Variants in LRP1B observed in about 807,000 individuals in gnomAD.
The protein encoded by LRP1B is low-density lipoprotein receptor-related protein 1B.
A neutral mutation model predicts 556.6 loss-of-function variants in LRP1B; 217 were observed. That is an observed-to-expected ratio of 0.39 (90% confidence interval 0.35 to 0.44). LRP1B has a LOEUF of 0.44. Among genes scored for constraint, LRP1B ranks in the 20% least tolerant of loss-of-function variants. The probability of loss-of-function intolerance (pLI) is 1.00; values close to 1 mark genes in which losing one functional copy is unlikely to be tolerated. For missense variants in LRP1B, 5,053 were observed against 5,620.8 expected, an observed-to-expected ratio of 0.90 and a Z score of 3.23; for synonymous variants, 2,047 against 1,865.8, an observed-to-expected ratio of 1.10 and a Z score of -2.50.
chr2:141,282,489 G>GTATATC (rs758970820), intron 3 of LRP1B, among the ~76,000 whole-genome samples: 3,321 of 150,522 alleles, frequency 0.022, 70 homozygotes, highest in Non-Finnish European at 0.035. Flanking sequence ...ATATGTATAT[G>GTATATC]TATATGTATA....
chr2:140,237,854 T>C (rs1325299029), intron 89 of LRP1B, among the ~76,000 whole-genome samples: 1 of 150,956 alleles, frequency 6.6e-6, no homozygotes, highest in Admixed American at 6.6e-5. Context: ...TTTCGTTTGC[T>C]TTATGTAAAC....
chr2:140,985,919 C>G (rs1028340391), intron 17 of LRP1B, among the ~76,000 whole-genome samples: 10 of 151,330 alleles, frequency 6.6e-5, no homozygotes, highest in African/African-American at 2.4e-4. Context: ...TTGAAATTTC[C>G]TACATAATCT....
chr2:141,020,849 A>G (rs1476815771), intron 11 of LRP1B, among the ~76,000 whole-genome samples: 2 of 151,982 alleles, frequency 1.3e-5, no homozygotes, highest in Non-Finnish European at 2.9e-5. Context: ...GCAGTTACTT[A>G]TGGTCTATTA....
chr2:141,079,221 T>G (rs1699866331), intron 7 of LRP1B, among the ~76,000 whole-genome samples: 1 of 152,148 alleles, frequency 6.6e-6, no homozygotes, highest in Non-Finnish European at 1.5e-5. Context: ...CTTTTCCAGT[T>G]AGAAGGTAAG....
chr2:141,154,327 C>T (rs868256647), intron 7 of LRP1B, among the ~76,000 whole-genome samples: 21 of 152,010 alleles, frequency 1.4e-4, no homozygotes, highest in African/African-American at 3.6e-4. Context: ...GTGGAACACA[C>T]TTTTAAATAT....
chr2:140,504,179 G>C (rs537144764), intron 53 of LRP1B, among the ~76,000 whole-genome samples: 17 of 152,164 alleles, frequency 1.1e-4, no homozygotes, highest in African/African-American at 4.1e-4. Context: ...TCATTTCTCT[G>C]ACCTCTATCT....
chr2:141,696,992 A>T (rs2105454951), intron 2 of LRP1B, among the ~76,000 whole-genome samples: 1 of 152,150 alleles, frequency 6.6e-6, no homozygotes. Context: ...CCTTATAAAA[A>T]ATAAGATAGG....
intron 2 of LRP1B, among the ~76,000 whole-genome samples, chr2:141,496,794 TAGAAA>T (rs1283389185): frequency 6.6e-6 from 1 of 151,512 alleles, no homozygotes; most frequent in Admixed American, 6.6e-5. Context: ...AAGAAAAGAA[TAGAAA>T]AGAAGAACCA....
At chr2:141,834,310 A>G (rs6749695) in intron 1 of LRP1B, among the ~76,000 whole-genome samples, 27,667 of 151,820 alleles carry the variant, frequency 0.18, 2,759 homozygotes, top group Admixed American at 0.27. Context: ...ATTGACAAAA[A>G]CAGGCAGACT....
chr2:140,838,845 T>C (rs1249599673), intron 31 of LRP1B, among the ~76,000 whole-genome samples: 1 of 152,162 alleles, frequency 6.6e-6, no homozygotes, highest in East Asian at 1.9e-4. Flanking sequence ...GAAAAAGTGA[T>C]TAAGGTTCGA....
At chr2:140,532,381 T>C (rs769991035) in intron 47 of LRP1B, among the ~76,000 whole-genome samples, 7 of 150,540 alleles carry the variant, frequency 4.6e-5, no homozygotes, top group Middle Eastern at 3.4e-3. Flanking sequence ...TGTTTTTTGT[T>C]TGTTTGTTTG....
At chr2:141,865,364 G>A (rs557182150) in intron 1 of LRP1B, among the ~76,000 whole-genome samples, 6 of 151,750 alleles carry the variant, frequency 4.0e-5, no homozygotes, top group African/African-American at 1.5e-4. Context: ...AGGCCGAGGC[G>A]GGCGGATCAC....
intron 41 of LRP1B, among the ~76,000 whole-genome samples, chr2:140,669,856 C>T (rs1685418333): frequency 1.3e-5 from 2 of 151,930 alleles, no homozygotes; most frequent in South Asian, 4.1e-4. Flanking sequence ...TAATCGCACA[C>T]ATATTAATTC....
At chr2:141,961,398 A>G (rs2105055199) in intron 1 of LRP1B, among the ~76,000 whole-genome samples, 1 of 151,816 alleles carries the variant, frequency 6.6e-6, no homozygotes, top group Middle Eastern at 3.4e-3. Flanking sequence ...AAAATTCTGA[A>G]TATACTTAAT....
intron 2 of LRP1B, among the ~76,000 whole-genome samples, chr2:141,656,626 T>C (rs1008148463): frequency 6.6e-6 from 1 of 152,198 alleles, no homozygotes; most frequent in East Asian, 1.9e-4. Context: ...AGCAGTACAA[T>C]TGTCTGATAT....
At chr2:140,370,866 G>A (rs1682963899) in intron 70 of LRP1B, 24 bp from the exon 71 acceptor site, 1 of 1,609,544 alleles carries the variant, frequency 6.2e-7, no homozygotes, top group African/African-American at 1.3e-5. Context: ...AATGGACACT[G>A]CAGTTTTCAT....
At chr2:141,953,206 T>C (rs1701158745) in intron 1 of LRP1B, among the ~76,000 whole-genome samples, 4 of 152,056 alleles carry the variant, frequency 2.6e-5, no homozygotes, top group African/African-American at 9.7e-5. Flanking sequence ...TTTTGTAATA[T>C]TGTAGAAAGA....
chr2:142,032,297 G>A (rs12691630), intron 1 of LRP1B, among the ~76,000 whole-genome samples: 142,292 of 151,800 alleles, frequency 0.94, 66,941 homozygotes, highest in East Asian at 1. Context: ...ATGCAAACCT[G>A]TCCACCAATG....
At chr2:141,857,173 G>C (rs1410262174) in intron 1 of LRP1B, among the ~76,000 whole-genome samples, 1 of 151,932 alleles carries the variant, frequency 6.6e-6, no homozygotes, top group Admixed American at 6.6e-5. Flanking sequence ...TTAAGTTAGA[G>C]GTATAAAGTC....
Sources: gnomAD v4.1 joint callset for allele counts (sites outside exome capture counted in the v4.1 genomes callset) on GRCh38, gnomAD v4.1.1 for gene constraint, MANE v1.5 for transcripts, NCBI Gene and HGNC (gene_info 2026-07-23, HGNC 2026-07-21) for gene names.